KCNQ3: variants seen among roughly 807,000 people sequenced by gnomAD.
KCNQ3 encodes the protein potassium voltage-gated channel subfamily Q member 3.
KCNQ3 carries 30 observed loss-of-function variants against 92.5 expected under a neutral mutation model. That is an observed-to-expected ratio of 0.32 (90% CI 0.24 to 0.44). KCNQ3 has a LOEUF of 0.44. Among genes scored for constraint, KCNQ3 ranks in the 20% least tolerant of loss-of-function variants. The pLI is 1.00. For synonymous variants in KCNQ3, 450 were observed against 468.8 expected (o/e 0.96, Z 0.52); for missense variants, 913 against 1,140.3 (o/e 0.80, Z 2.87).
Position 132,135,418 on chromosome 8 carries a change from C to T in KCNQ3, c.1701-1030G>A, listed in dbSNP as rs547954153. Among the ~76,000 whole-genome samples the T allele has an allele frequency of 2.0e-5, 3 of 152,088 alleles. No individual in the cohort carries two copies. In the East Asian group the frequency reaches 5.8e-4, roughly 30 times the overall value. On this transcript the variant is annotated intron_variant, in intron 12 of 14. Transcript: ENST00000388996. Reference sequence around the variant, plus strand: ...GTCCAGGACCATTAAGACTATGCACCCTGAAACAGTCATGGCTCCTTCCGT... The same window carrying T: ...GTCCAGGACCATTAAGACTATGCACTCTGAAACAGTCATGGCTCCTTCCGT...
chr8:132,274,358 A>G (rs765879220), intron 1 of KCNQ3, among the ~76,000 whole-genome samples: 1 of 152,188 alleles, frequency 6.6e-6, no homozygotes, highest in Non-Finnish European at 1.5e-5. Flanking sequence ...AGAGCAGCAC[A>G]AGAAAGACCT....
chr8:132,329,321 G>T (rs1011204405), intron 1 of KCNQ3, among the ~76,000 whole-genome samples: 2 of 152,160 alleles, frequency 1.3e-5, no homozygotes, highest in Admixed American at 6.5e-5. Flanking sequence ...ACCATGTGCT[G>T]CAACCCAGGT....
At chr8:132,229,363 T>C (rs772265115) in intron 1 of KCNQ3, among the ~76,000 whole-genome samples, 9 of 151,928 alleles carry the variant, frequency 5.9e-5, no homozygotes, top group Admixed American at 5.9e-4. Flanking sequence ...ACCAAGCCAG[T>C]GGCAATGGAC....
intron 1 of KCNQ3, among the ~76,000 whole-genome samples, chr8:132,394,200 TG>T (rs1464474629): frequency 6.6e-6 from 1 of 152,214 alleles, no homozygotes; most frequent in East Asian, 1.9e-4. Flanking sequence ...CATATTTCCT[TG>T]CCATGCAAGT....
At position 132,129,166 on chromosome 8, in the gene KCNQ3, C is replaced by A. The variant is rs1824766840; in HGVS notation, c.*96G>T. ...ACGCACACGCATGCATTTGATGCAG[C>A]CATTGGTGTCCCCGCTGGTAAGCGT... is the stretch of plus-strand genomic sequence containing the variant. On this transcript the variant is annotated 3_prime_UTR_variant, in exon 15 of 15. Coordinates refer to ENST00000388996, the MANE Select transcript of KCNQ3 (RefSeq NM_004519.4). This position sits in a 1 kb window ranked among gnomAD's most constrained non-coding sequence, Gnocchi z 5.9. The A allele has an allele frequency of 6.9e-7, 1 of 1,451,802 alleles. No homozygotes were observed. Among genetic ancestry groups the A allele is most frequent in the Non-Finnish European group, 9.4e-7 (1 of 1,059,520 alleles). The allele number at this position is 1,451,802 out of a possible 1,614,324, so 89.9% of individuals were successfully genotyped here.
chr8:132,440,541 G>A (rs1204893548), intron 1 of KCNQ3, among the ~76,000 whole-genome samples: 2 of 152,152 alleles, frequency 1.3e-5, no homozygotes, highest in African/African-American at 2.4e-5. Flanking sequence ...GTTGGTCACC[G>A]CCCCATTGTG....
intron 1 of KCNQ3, among the ~76,000 whole-genome samples, chr8:132,416,488 C>T (rs1395231705): frequency 3.9e-5 from 6 of 152,106 alleles, no homozygotes; most frequent in African/African-American, 4.8e-5. Context: ...GACATGATGG[C>T]GGGCACCCAT....
chr8:132,295,514 C>A (rs1033293790), intron 1 of KCNQ3, among the ~76,000 whole-genome samples: 7 of 152,074 alleles, frequency 4.6e-5, no homozygotes, highest in African/African-American at 1.7e-4. Flanking sequence ...ACCATTTGAC[C>A]CAGCAATCCC....
intron 1 of KCNQ3, among the ~76,000 whole-genome samples, chr8:132,390,184 A>C (rs1820012179): frequency 2.0e-5 from 3 of 152,222 alleles, no homozygotes; most frequent in Admixed American, 1.3e-4. Context: ...ATGTGGTTCC[A>C]GTTATATAAA....
intron 1 of KCNQ3, among the ~76,000 whole-genome samples, chr8:132,456,948 A>C (rs1019628387): frequency 9.2e-5 from 14 of 152,174 alleles, no homozygotes; most frequent in Non-Finnish European, 1.9e-4. Flanking sequence ...ACTGTGAACT[A>C]CACACTAACC....
chr8:132,344,392 C>T (rs1020999327), intron 1 of KCNQ3, among the ~76,000 whole-genome samples: 1 of 152,248 alleles, frequency 6.6e-6, no homozygotes, highest in Admixed American at 6.5e-5. Context: ...GGAAACTGCA[C>T]ACCTTCCTTC....
At chr8:132,367,855 A>C (rs1292037035) in intron 1 of KCNQ3, among the ~76,000 whole-genome samples, 1 of 152,208 alleles carries the variant, frequency 6.6e-6, no homozygotes, top group South Asian at 2.1e-4. Context: ...TCCCAGACAT[A>C]TTTGAGAATC....
At chr8:132,369,052 G>A (rs1819401171) in intron 1 of KCNQ3, among the ~76,000 whole-genome samples, 1 of 152,156 alleles carries the variant, frequency 6.6e-6, no homozygotes, top group African/African-American at 2.4e-5. Flanking sequence ...ATACCAGTCA[G>A]GTATTTTGTA....
rs1345373238 is a variant in KCNQ3 at position 132,126,287 on chromosome 8, C to T, written c.*2975G>A. ...TAACCAGTTCCATTGGATTATCATG[C>T]TGTTCCCTTGTCTGACAAAAGGATC... On this transcript the variant is annotated 3_prime_UTR_variant, in exon 15 of 15. Transcript: ENST00000388996. The T allele has an allele frequency of 6.6e-6, 1 of 152,174 alleles. No individual in the cohort carries two copies. Among genetic ancestry groups the T allele is most frequent in the Non-Finnish European group, 1.5e-5 (1 of 68,038 alleles). The allele number at this position is 152,174 out of a possible 1,614,324, so 9.4% of individuals were successfully genotyped here.
intron 4 of KCNQ3, among the ~76,000 whole-genome samples, chr8:132,176,655 G>C (rs1394564427): frequency 1.3e-5 from 2 of 152,126 alleles, no homozygotes; most frequent in African/African-American, 2.4e-5. Context: ...GGCTCACATG[G>C]GTCCTGCAGT....
intron 9 of KCNQ3, among the ~76,000 whole-genome samples, chr8:132,155,862 A>C (rs1171702939): frequency 6.6e-6 from 1 of 152,194 alleles, no homozygotes; most frequent in Admixed American, 6.5e-5. Context: ...AGGAAGCAGG[A>C]TTGTGATTGG....
chr8:132,257,138 A>T (rs1380516828), intron 1 of KCNQ3, among the ~76,000 whole-genome samples: 1 of 152,160 alleles, frequency 6.6e-6, no homozygotes, highest in Non-Finnish European at 1.5e-5. Flanking sequence ...ATAGGAGCAA[A>T]ATTTTTTTGT....
At chr8:132,228,230 C>G (rs1043981030) in intron 1 of KCNQ3, among the ~76,000 whole-genome samples, 4 of 151,814 alleles carry the variant, frequency 2.6e-5, no homozygotes, top group Non-Finnish European at 5.9e-5. Context: ...AATAGTGGGC[C>G]CTTTTTTTCA....
At chr8:132,351,200 G>A (rs1330230535) in intron 1 of KCNQ3, among the ~76,000 whole-genome samples, 1 of 152,204 alleles carries the variant, frequency 6.6e-6, no homozygotes, top group African/African-American at 2.4e-5. Context: ...CCAAGGCTGG[G>A]ATGGATTATT....
Sources: gnomAD v4.1 joint callset for allele counts (sites outside exome capture counted in the v4.1 genomes callset) on GRCh38, gnomAD v4.1.1 for gene constraint, Gnocchi (gnomAD v3.1) non-coding constraint, MANE v1.5 for transcripts, NCBI Gene and HGNC (gene_info 2026-07-23, HGNC 2026-07-21) for gene names.